LRRC71: variants seen among roughly 807,000 people sequenced by gnomAD.
LRRC71 encodes leucine-rich repeat-containing protein 71.
Under a neutral mutation model 66.6 loss-of-function variants are expected in LRRC71, and 54 were observed. The ratio of observed to expected loss-of-function variants is 0.81; its 90% CI spans 0.65 to 1.02. LRRC71 has a LOEUF of 1.02. Among genes scored for constraint, LRRC71 ranks in the 50% least tolerant of loss-of-function variants. The pLI, the probability that LRRC71 is intolerant of heterozygous loss-of-function variation, is 0.00. For missense variants in LRRC71, 724 were observed against 718.0 expected, an observed-to-expected ratio of 1.01 and a Z score of -0.10; for synonymous variants, 323 against 303.9, an observed-to-expected ratio of 1.06 and a Z score of -0.65.
intron 10 of LRRC71, 89 bp from the exon 11 acceptor site, chr1:156,929,546 GC>G: frequency 1.9e-6 from 3 of 1,542,804 alleles, no homozygotes; most frequent in Non-Finnish European, 2.6e-6. Flanking sequence ...TCCCCCTAAG[GC>G]CCCGGGTCCT....
At chr1:156,930,494 T>C (rs1300989243) in intron 11 of LRRC71, 35 bp from the exon 12 acceptor site, 1 of 1,526,766 alleles carries the variant, frequency 6.5e-7, no homozygotes, top group Non-Finnish European at 8.9e-7. Context: ...ATCAGAAGTG[T>C]GCACTGTGCA....
Position 156,932,990 on chromosome 1 carries a change from T to C in LRRC71, c.*21T>C. The C allele has an allele frequency of 1.3e-6, 2 of 1,537,312 alleles. No homozygotes were observed. The highest frequency in any genetic ancestry group is 8.8e-7 in the Non-Finnish European group (1 of 1,134,748). On this transcript the variant is annotated 3_prime_UTR_variant, in exon 15 of 15. Coordinates refer to ENST00000337428, the MANE Select transcript of LRRC71 (RefSeq NM_144702.3). Reference sequence around the variant, plus strand: ...CCTAGCCCCCTCCCACCTGCTTGCCTCTAAGACTCGGGGCTACAGAAGCAC... The same window carrying C: ...CCTAGCCCCCTCCCACCTGCTTGCCCCTAAGACTCGGGGCTACAGAAGCAC...
intron 13 of LRRC71, 182 bp downstream of exon 13, chr1:156,932,209 G>A: frequency 1.5e-6 from 1 of 666,968 alleles, no homozygotes. Context: ...CTGGGAGGAG[G>A]CTGAGGACAG....
Position 156,929,300 on chromosome 1 carries a change from G to A in LRRC71, c.1017G>A (p.Gly339=). 1 of 1,607,870 alleles carries A rather than the reference G, an allele frequency of 6.2e-7. No homozygotes were observed. Among genetic ancestry groups the A allele is most frequent in the Non-Finnish European group, 8.5e-7 (1 of 1,177,074 alleles). Residue 339 remains glycine (G), a synonymous_variant, in exon 10 of 15, where the codon GGG becomes GGA. Transcript: ENST00000337428. ...CACAGCCCTCCTCCTCTCGACACGG[G>A]GACTCCAAAACGGACCGTGAGAAGA... is the stretch of plus-strand genomic sequence containing the variant. ...RSRSPSSSRH[G]DSKTDREKSQ... is the part of the protein sequence containing the mutation.
In LRRC71 at chr1:156,931,795, T is replaced by C. The variant is rs1386016179; in HGVS notation, c.1330-121T>C. The C allele has an allele frequency of 9.1e-6, 7 of 771,360 alleles. No homozygotes were observed. In the South Asian group the frequency reaches 1.2e-4, roughly 13 times the overall value. The allele number at this position is 771,360 out of a possible 1,614,324, so 47.8% of individuals were successfully genotyped here. ...TTATTTATTTTTGTATCCCCAGCAC[T>C]TGGGACAAAGCCTGGACTATAGCCG... On this transcript the variant is annotated intron_variant, in intron 12 of 14. Transcript: ENST00000337428.
chr1:156,927,595 C>A lies in LRRC71; in HGVS notation c.762C>A (p.Leu254=). ...CGCTGCACAGCTGCAACCGGACCCT[C>A]GTCTCGCTCAACCTGGGTTTCAACC... ...LSTLHSCNRT[L]VSLNLGFNHI... The change falls in exon 7 of 15, where the codon CTC becomes CTA. Residue 254 remains leucine (L), a synonymous_variant. Coordinates refer to ENST00000337428, the MANE Select transcript of LRRC71 (RefSeq NM_144702.3). The A allele has an allele frequency of 5.0e-6, 8 of 1,599,616 alleles. No individual in the cohort carries two copies. The highest frequency in any genetic ancestry group is 6.8e-6 in the Non-Finnish European group (8 of 1,172,804).
intron 14 of LRRC71, 65 bp from the exon 15 acceptor site, chr1:156,932,788 T>C (rs1194276151): frequency 6.6e-7 from 1 of 1,520,080 alleles, no homozygotes; most frequent in African/African-American, 1.4e-5. Context: ...GACCATTTTT[T>C]TTTTTCTGCC....
chr1:156,937,622 G>C, downstream of LRRC71: 1 of 1,020,694 alleles, frequency 9.8e-7, no homozygotes, highest in Non-Finnish European at 1.4e-6. Context: ...GACAAACTCA[G>C]AGAACGTGGG....
downstream of LRRC71, chr1:156,937,411 A>AGGCTGAGGGG (rs1182892555): frequency 1.3e-6 from 2 of 1,591,084 alleles, no homozygotes. Flanking sequence ...GGAGGCTGTC[A>AGGCTGAGGGG]GGCTGAGGGG....
chr1:156,940,645 G>A, the LRRC71 span, among the ~76,000 whole-genome samples: 2 of 152,144 alleles, frequency 1.3e-5, no homozygotes, highest in Non-Finnish European at 2.9e-5. Flanking sequence ...TCTAGGGGAG[G>A]GACATACAAA....
intron 9 of LRRC71, among the ~76,000 whole-genome samples, chr1:156,928,563 C>CTTTTTTTTTTTTTT (rs58180096): frequency 2.5e-5 from 2 of 80,244 alleles, no homozygotes; most frequent in Non-Finnish European, 2.3e-5. Context: ...CTTCTTCTTA[C>CTTTTTTTTTTTTTT]TTTTTTTTTT....
In LRRC71 at chr1:156,922,877, T is replaced by C. The variant is rs562507037; in HGVS notation, c.161-1072T>C. On this transcript the variant is annotated intron_variant, in intron 1 of 14. Transcript: ENST00000337428. ...CTGTTCTTGAGAAGGGAGGTATGAG[T>C]GAAGCAAGGAAGCATGAGGGGCTCT... Among the ~76,000 whole-genome samples the C allele has an allele frequency of 7.1e-4, 108 of 152,118 alleles. 1 individual carries two copies. The highest frequency in any genetic ancestry group is 6.4e-3 in the South Asian group (31 of 4,808).
Position 156,930,619 on chromosome 1 carries a change from T to A in LRRC71, c.1329+2T>A. ...CGCAGCATCCTCCTGGAGTCCGAGG[T>A]AAGTTGCCAGGAGGAGTGGAGGCAG... On this transcript the variant is annotated splice_donor_variant, in intron 12 of 14. Coordinates refer to ENST00000337428, the MANE Select transcript of LRRC71 (RefSeq NM_144702.3). LOFTEE classifies it high-confidence loss of function. The A allele has an allele frequency of 2.6e-6, 4 of 1,558,378 alleles. No individual in the cohort carries two copies. The highest frequency in any genetic ancestry group is 3.5e-6 in the Non-Finnish European group (4 of 1,150,952).
chr1:156,924,742 C>CG (rs1557782984), intron 4 of LRRC71, 24 bp downstream of exon 4: 1 of 1,548,270 alleles, frequency 6.5e-7, no homozygotes, highest in Admixed American at 2.0e-5. Context: ...AGGGGATGGG[C>CG]GGGGGACCAG....
intron 13 of LRRC71, 72 bp from the exon 14 acceptor site, chr1:156,932,352 G>T: frequency 8.0e-7 from 1 of 1,243,902 alleles, no homozygotes; most frequent in East Asian, 2.5e-5. Context: ...TGGGATGCTG[G>T]GGATGTCTGG....
intron 1 of LRRC71, among the ~76,000 whole-genome samples, chr1:156,923,318 C>T (rs1391165885): frequency 1.3e-5 from 2 of 152,204 alleles, no homozygotes; most frequent in African/African-American, 2.4e-5. Context: ...CCCTTGAAGA[C>T]TCAGAGTCTC....
downstream of LRRC71, among the ~76,000 whole-genome samples, chr1:156,933,449 C>T (rs530587187): frequency 4.6e-5 from 7 of 152,324 alleles, no homozygotes; most frequent in South Asian, 2.1e-4. Flanking sequence ...GCTCCATGCC[C>T]GCTCCCTTCT....
At chr1:156,932,698 T>C (rs953768873) in intron 14 of LRRC71, 153 bp downstream of exon 14, 3 of 1,564,648 alleles carry the variant, frequency 1.9e-6, no homozygotes, top group Non-Finnish European at 2.6e-6. Context: ...TAACCTCCAT[T>C]CCTCTTGCTG....
At chr1:156,932,820 C>G in intron 14 of LRRC71, 33 bp from the exon 15 acceptor site, 2 of 1,540,450 alleles carry the variant, frequency 1.3e-6, no homozygotes, top group Non-Finnish European at 1.8e-6. Flanking sequence ...CTTCATTCCT[C>G]TTGTCAGATG....
Sources: gnomAD v4.1 joint callset for allele counts (sites outside exome capture counted in the v4.1 genomes callset) on GRCh38, gnomAD v4.1.1 for gene constraint, MANE v1.5 for transcripts, NCBI Gene and HGNC (gene_info 2026-07-23, HGNC 2026-07-21) for gene names.